Variants in CDH13 observed in about 807,000 individuals in gnomAD.
CDH13 encodes the protein cadherin 13, also known as cadherin-13.
CDH13 carries 24 observed loss-of-function variants against 63.8 expected under a neutral mutation model. The observed-to-expected ratio is 0.38, with a 90% confidence interval of 0.27 to 0.53. CDH13 has a LOEUF of 0.53. CDH13 is among the 20% of genes least tolerant of loss of function. CDH13 has a pLI of 0.85. For synonymous variants in CDH13, 503 were observed against 355.3 expected (o/e 1.42, Z -4.67); for missense variants, 1,049 against 903.1 (o/e 1.16, Z -2.07).
At chr16:82,946,181 T>C (rs1201580937) in intron 2 of CDH13, among the ~76,000 whole-genome samples, 1 of 150,708 alleles carries the variant, frequency 6.6e-6, no homozygotes, top group Non-Finnish European at 1.5e-5. Flanking sequence ...ATTAAATTAA[T>C]GACTAGATGG....
At chr16:83,522,005 A>C (rs981697267) in intron 7 of CDH13, among the ~76,000 whole-genome samples, 1 of 152,132 alleles carries the variant, frequency 6.6e-6, no homozygotes, top group Non-Finnish European at 1.5e-5. Flanking sequence ...AGGGATGGAG[A>C]GATGAATCCA....
At chr16:83,493,732 G>A (rs77826936) in intron 7 of CDH13, among the ~76,000 whole-genome samples, 3,397 of 152,298 alleles carry the variant, frequency 0.022, 132 homozygotes, top group African/African-American at 0.077. Context: ...ATATCCTACT[G>A]TAAATGGGAA....
intron 1 of CDH13, among the ~76,000 whole-genome samples, chr16:82,634,126 C>T (rs1035795748): frequency 2.6e-5 from 4 of 152,192 alleles, no homozygotes; most frequent in Admixed American, 1.3e-4. Context: ...CGGGCTGGGG[C>T]GGAGGGCAGC....
intron 8 of CDH13, among the ~76,000 whole-genome samples, chr16:83,653,927 G>C (rs1191887421): frequency 6.6e-6 from 1 of 152,194 alleles, no homozygotes; most frequent in Non-Finnish European, 1.5e-5. Flanking sequence ...GGGATTGAAG[G>C]CTTGGATAGG....
chr16:83,678,082 G>C (rs1915110460), intron 9 of CDH13, 126 bp from the exon 10 acceptor site: 1 of 839,954 alleles, frequency 1.2e-6, no homozygotes, highest in Admixed American at 2.7e-5. Context: ...CACAGGCTTA[G>C]CCTCCAAAGC....
At chr16:83,103,950 G>T (rs575903720) in intron 3 of CDH13, among the ~76,000 whole-genome samples, 1 of 152,160 alleles carries the variant, frequency 6.6e-6, no homozygotes, top group Non-Finnish European at 1.5e-5. Flanking sequence ...TTCCTGTGGG[G>T]CAAGTTCACA....
intron 5 of CDH13, among the ~76,000 whole-genome samples, chr16:83,331,088 A>T (rs2090471143): frequency 6.6e-6 from 1 of 152,234 alleles, no homozygotes; most frequent in South Asian, 2.1e-4. Context: ...GATTCTGAGA[A>T]GGTGACTGAG....
intron 10 of CDH13, chr16:83,716,998 G>A (rs144422058): frequency 0.01 from 1,551 of 154,140 alleles, 72 homozygotes; most frequent in Admixed American, 0.076. Context: ...TGTAATCCCA[G>A]CACTTTGGGA....
intron 7 of CDH13, among the ~76,000 whole-genome samples, chr16:83,533,391 G>T (rs75647446): frequency 6.3e-4 from 96 of 152,072 alleles, no homozygotes; most frequent in African/African-American, 2.3e-3. Flanking sequence ...CAAGATGGGA[G>T]GTGCCTCCCA....
intron 6 of CDH13, among the ~76,000 whole-genome samples, chr16:83,388,987 A>G (rs1446307968): frequency 6.6e-6 from 1 of 152,194 alleles, no homozygotes; most frequent in African/African-American, 2.4e-5. Flanking sequence ...GCGCTTGTGA[A>G]AAACCCATTC....
intron 8 of CDH13, among the ~76,000 whole-genome samples, chr16:83,617,395 A>T (rs904402855): frequency 5.3e-5 from 8 of 152,084 alleles, no homozygotes; most frequent in Admixed American, 2.0e-4. Flanking sequence ...ACATACCCTA[A>T]TATGCACATA....
chr16:82,681,408 T>C (rs1914531275), intron 1 of CDH13, among the ~76,000 whole-genome samples: 1 of 152,178 alleles, frequency 6.6e-6, no homozygotes, highest in East Asian at 1.9e-4. Context: ...GGTGGAAACG[T>C]TGTGAAGCTA....
At chr16:83,247,932 CT>C (rs1222021110) in intron 5 of CDH13, among the ~76,000 whole-genome samples, 6 of 152,148 alleles carry the variant, frequency 3.9e-5, no homozygotes, top group African/African-American at 1.4e-4. Context: ...GTGTTAGAGC[CT>C]TTTGTTCCGC....
chr16:82,745,727 A>AT (rs2034132868), intron 1 of CDH13, among the ~76,000 whole-genome samples: 2 of 152,160 alleles, frequency 1.3e-5, no homozygotes, highest in South Asian at 2.1e-4. Flanking sequence ...CATAAATAGG[A>AT]TTTTTCATAG....
At chr16:83,214,408 C>T (rs1353027577) in intron 4 of CDH13, among the ~76,000 whole-genome samples, 1 of 151,516 alleles carries the variant, frequency 6.6e-6, no homozygotes, top group Non-Finnish European at 1.5e-5. Flanking sequence ...GGGGAAAACC[C>T]ATCTCTACTA....
At chr16:83,702,588 G>T (rs150866524) in intron 10 of CDH13, among the ~76,000 whole-genome samples, 2 of 152,252 alleles carry the variant, frequency 1.3e-5, no homozygotes, top group South Asian at 4.1e-4. Flanking sequence ...AGTTCAGCCC[G>T]CCTGTATGTT....
chr16:82,883,897 G>A (rs1462755279), intron 2 of CDH13, among the ~76,000 whole-genome samples: 1 of 152,136 alleles, frequency 6.6e-6, no homozygotes, highest in Non-Finnish European at 1.5e-5. Context: ...CAGCTGCTTG[G>A]ATGCAAATCT....
intron 7 of CDH13, among the ~76,000 whole-genome samples, chr16:83,510,055 A>G (rs1355952831): frequency 6.6e-6 from 1 of 152,154 alleles, no homozygotes; most frequent in Non-Finnish European, 1.5e-5. Context: ...TTACAAGTGG[A>G]ATGTGATTCC....
intron 10 of CDH13, among the ~76,000 whole-genome samples, chr16:83,724,694 C>T (rs1910169958): frequency 6.6e-6 from 1 of 152,200 alleles, no homozygotes; most frequent in African/African-American, 2.4e-5. Context: ...CCTAAGCTCT[C>T]TCCTAGACAC....
Sources: allele counts gnomAD v4.1 joint callset (sites outside exome capture counted in the v4.1 genomes callset), GRCh38; gene constraint gnomAD v4.1.1; transcripts MANE v1.5; gene names NCBI Gene and HGNC (gene_info 2026-07-23, HGNC 2026-07-21).